The following SLC44A5 variants were observed in gnomAD, a reference collection of about 807,000 sequenced individuals.
SLC44A5 encodes the protein choline transporter-like protein 5.
Under a neutral mutation model 101.8 loss-of-function variants are expected in SLC44A5, and 57 were observed. The observed-to-expected ratio is 0.56, with a 90% confidence interval of 0.45 to 0.70. SLC44A5 has a LOEUF of 0.70. Ranked by LOEUF, SLC44A5 falls within the 30% of genes least tolerant of loss-of-function variation. SLC44A5 has a pLI of 0.00. For synonymous variants in SLC44A5, 281 were observed against 290.9 expected, an observed-to-expected ratio of 0.97 and a Z score of 0.35; for missense variants, 737 against 853.1, an observed-to-expected ratio of 0.86 and a Z score of 1.70.
intron 2 of SLC44A5, among the ~76,000 whole-genome samples, chr1:75,537,438 C>A (rs1011514321): frequency 1.3e-5 from 2 of 152,146 alleles, no homozygotes; most frequent in Non-Finnish European, 2.9e-5. Context: ...TCTTCTAGAG[C>A]CTGCTTATGC....
intron 4 of SLC44A5, among the ~76,000 whole-genome samples, chr1:75,306,859 C>G (rs537156971): frequency 1.3e-5 from 2 of 150,466 alleles, no homozygotes; most frequent in Non-Finnish European, 3.0e-5. Flanking sequence ...CTCAGCCTCC[C>G]GAGTAGCTGG....
the SLC44A5 span, among the ~76,000 whole-genome samples, chr1:75,720,634 G>A: frequency 6.6e-6 from 1 of 152,148 alleles, no homozygotes; most frequent in Admixed American, 6.5e-5. Context: ...TGTCAACAAA[G>A]AGTCAAACTT....
intron 2 of SLC44A5, among the ~76,000 whole-genome samples, chr1:75,477,728 G>T (rs539747359): frequency 6.6e-6 from 1 of 152,134 alleles, no homozygotes; most frequent in Non-Finnish European, 1.5e-5. Flanking sequence ...AACGAACAAA[G>T]CCTCCAAGAA....
the SLC44A5 span, among the ~76,000 whole-genome samples, chr1:75,651,385 G>A: frequency 6.6e-6 from 1 of 152,080 alleles, no homozygotes; most frequent in South Asian, 2.1e-4. Context: ...CATTGTTCTA[G>A]GTCTACTTCT....
At chr1:75,503,608 G>A (rs1669088211) in intron 2 of SLC44A5, among the ~76,000 whole-genome samples, 1 of 152,114 alleles carries the variant, frequency 6.6e-6, no homozygotes, top group South Asian at 2.1e-4. Flanking sequence ...GTTCTTTATA[G>A]CAGTGTGAGA....
intron 2 of SLC44A5, among the ~76,000 whole-genome samples, chr1:75,428,146 A>C (rs1340682519): frequency 3.9e-5 from 6 of 152,194 alleles, no homozygotes; most frequent in Non-Finnish European, 8.8e-5. Context: ...ATGAGCAAGA[A>C]ATAAACCTCT....
At chr1:75,680,178 C>A in the SLC44A5 span, among the ~76,000 whole-genome samples, 4 of 152,014 alleles carry the variant, frequency 2.6e-5, no homozygotes, top group African/African-American at 9.7e-5. Context: ...CTTTAACACC[C>A]CACTGTCAAC....
intron 2 of SLC44A5, among the ~76,000 whole-genome samples, chr1:75,519,617 C>G (rs186528665): frequency 6.6e-6 from 1 of 152,154 alleles, no homozygotes; most frequent in African/African-American, 2.4e-5. Context: ...TTCTCAATAA[C>G]AAAACACAGG....
chr1:75,642,205 G>A, the SLC44A5 span: 1 of 563,052 alleles, frequency 1.8e-6, no homozygotes, highest in African/African-American at 1.9e-5. Context: ...GTCTGTGACA[G>A]CTTGTTTCTG....
chr1:75,385,621 C>T (rs188889415), intron 3 of SLC44A5, among the ~76,000 whole-genome samples: 267 of 152,296 alleles, frequency 1.8e-3, no homozygotes, highest in Non-Finnish European at 3.4e-3. Flanking sequence ...CCAAATTCTA[C>T]CAGAGGTATA....
At chr1:75,343,933 C>T (rs1364289540) in intron 3 of SLC44A5, among the ~76,000 whole-genome samples, 1 of 152,294 alleles carries the variant, frequency 6.6e-6, no homozygotes, top group Admixed American at 6.5e-5. Context: ...GTTCCCACTT[C>T]TTAGCCCAAC....
intron 1 of SLC44A5, among the ~76,000 whole-genome samples, chr1:75,602,574 C>T (rs1358427149): frequency 6.6e-6 from 1 of 152,022 alleles, no homozygotes; most frequent in East Asian, 1.9e-4. Flanking sequence ...TAATGGTCCT[C>T]CTTTAGTCAC....
At chr1:75,426,425 T>C (rs1182864118) in intron 2 of SLC44A5, among the ~76,000 whole-genome samples, 1 of 152,178 alleles carries the variant, frequency 6.6e-6, no homozygotes, top group Non-Finnish European at 1.5e-5. Context: ...TCCCTAAGGA[T>C]GGAGCTCAGG....
intron 3 of SLC44A5, among the ~76,000 whole-genome samples, chr1:75,371,337 A>G (rs1426270148): frequency 6.6e-6 from 1 of 152,232 alleles, no homozygotes; most frequent in African/African-American, 2.4e-5. Context: ...TTCCTCATCT[A>G]TAAAATAGGA....
chr1:75,460,358 A>C (rs940348090), intron 2 of SLC44A5, among the ~76,000 whole-genome samples: 5 of 152,356 alleles, frequency 3.3e-5, no homozygotes, highest in Admixed American at 3.3e-4. Context: ...CTATGTGATT[A>C]AGACAATAAA....
At chr1:75,263,077 A>G (rs188931100) in intron 6 of SLC44A5, among the ~76,000 whole-genome samples, 1 of 152,332 alleles carries the variant, frequency 6.6e-6, no homozygotes. Context: ...ATAGGCAAGG[A>G]CTTCATGACT....
At chr1:75,399,834 C>A (rs1295263736) in intron 2 of SLC44A5, among the ~76,000 whole-genome samples, 1 of 152,078 alleles carries the variant, frequency 6.6e-6, no homozygotes, top group East Asian at 1.9e-4. Flanking sequence ...TGTAAAACTG[C>A]TTTTATAAGC....
rs1235777688 is a variant in SLC44A5 at position 75,604,761 on chromosome 1, GTGTGTA to G, written c.-70+6273_-70+6278del. On this transcript the variant is annotated intron_variant, in intron 1 of 23. Coordinates refer to ENST00000370859, the MANE Select transcript of SLC44A5 (RefSeq NM_001130058.2). ...GGTTAGAGGTGAAACCAAGGGGTGT[GTGTGTA>G]TGTGTGTGTGTACTGTAAATTAGGC... Among the ~76,000 whole-genome samples, 9 of 84,854 alleles carry G rather than the reference GTGTGTA, an allele frequency of 1.1e-4. No individual in the cohort carries two copies. In the East Asian group the frequency reaches 3.9e-3, roughly 37 times the overall value. The allele number at this position is 84,854 out of a possible 152,430, so 55.7% of individuals were successfully genotyped here. A position where few individuals can be genotyped will look rare whatever the true frequency, so the allele number is the denominator to read the frequency against.
chr1:75,641,903 T>C, the SLC44A5 span: 39 of 1,601,248 alleles, frequency 2.4e-5, 1 homozygote, highest in Middle Eastern at 5.5e-4. Flanking sequence ...TTCAAGAATT[T>C]CCTTCATTGG....
Sources: gnomAD v4.1 joint callset for allele counts (sites outside exome capture counted in the v4.1 genomes callset) on GRCh38, gnomAD v4.1.1 for gene constraint, MANE v1.5 for transcripts, NCBI Gene and HGNC (gene_info 2026-07-23, HGNC 2026-07-21) for gene names.